Variants in IGF2BP2 observed in about 807,000 individuals in gnomAD.
IGF2BP2 encodes the protein insulin like growth factor 2 mRNA binding protein 2.
In IGF2BP2, 17 loss-of-function variants were observed where a neutral mutation model predicts 75.8. That is an observed-to-expected ratio of 0.22 (90% CI 0.15 to 0.34). The LOEUF (loss-of-function observed/expected upper bound fraction) is 0.34. Among genes scored for constraint, IGF2BP2 ranks in the 10% least tolerant of loss-of-function variants. The pLI is 1.00. For missense variants in IGF2BP2, 516 were observed against 772.4 expected, an observed-to-expected ratio of 0.67 and a Z score of 3.93; for synonymous variants, 288 against 295.6, an observed-to-expected ratio of 0.97 and a Z score of 0.26.
At chr3:185,823,970 G>A (rs1178305080) in intron 1 of IGF2BP2, among the ~76,000 whole-genome samples, 3 of 152,154 alleles carry the variant, frequency 2.0e-5, no homozygotes, top group East Asian at 3.9e-4. Flanking sequence ...CCACCGAGTT[G>A]AGACAGGGCA....
At chr3:185,673,195 C>T (rs546329500) in intron 9 of IGF2BP2, among the ~76,000 whole-genome samples, 37 of 152,336 alleles carry the variant, frequency 2.4e-4, no homozygotes, top group African/African-American at 8.9e-4. Flanking sequence ...GCACTCATTA[C>T]ATGGTATGTG....
rs557983382 is a variant in IGF2BP2 at position 185,687,872 on chromosome 3, G to A, written c.678-681C>T. Among the ~76,000 whole-genome samples, 8 of 151,158 alleles carry A rather than the reference G, an allele frequency of 5.3e-5. No individual in the cohort carries two copies. In the East Asian group the frequency reaches 7.9e-4, roughly 15 times the overall value. On this transcript the variant is annotated intron_variant, in intron 6 of 15. Coordinates refer to ENST00000382199, the MANE Select transcript of IGF2BP2 (RefSeq NM_006548.6). ...GCCTAGAGCCAAGTCTTTGGTTGAC[G>A]TCTAAAAAATGGGCACACACTTTGA...
chr3:185,780,564 C>T (rs1383426173), intron 2 of IGF2BP2, among the ~76,000 whole-genome samples: 1 of 152,052 alleles, frequency 6.6e-6, no homozygotes, highest in African/African-American at 2.4e-5. Flanking sequence ...GTATATTCTG[C>T]GCTATTTAAA....
intron 2 of IGF2BP2, among the ~76,000 whole-genome samples, chr3:185,747,451 G>A (rs557238446): frequency 6.6e-6 from 1 of 152,144 alleles, no homozygotes; most frequent in East Asian, 1.9e-4. Flanking sequence ...GGCCAAGAGG[G>A]GTGGATCACC....
chr3:185,805,402 T>C (rs553354927), intron 2 of IGF2BP2, among the ~76,000 whole-genome samples: 5 of 152,266 alleles, frequency 3.3e-5, no homozygotes, highest in Admixed American at 3.3e-4. Context: ...TGTTCTCTTT[T>C]TACCCCAAAT....
At chr3:185,818,963 G>T (rs1578412481) in intron 2 of IGF2BP2, among the ~76,000 whole-genome samples, 1 of 151,768 alleles carries the variant, frequency 6.6e-6, no homozygotes, top group South Asian at 2.1e-4. Context: ...ATTCTGATAT[G>T]CAATTTGTTC....
intron 2 of IGF2BP2, among the ~76,000 whole-genome samples, chr3:185,818,900 C>T (rs536671602): frequency 2.0e-4 from 31 of 152,162 alleles, no homozygotes; most frequent in African/African-American, 7.5e-4. Flanking sequence ...AACCTCCACA[C>T]ATTAAAAAAA....
chr3:185,736,775 C>A (rs1396879982), intron 2 of IGF2BP2, among the ~76,000 whole-genome samples: 1 of 152,174 alleles, frequency 6.6e-6, no homozygotes, highest in Admixed American at 6.5e-5. Flanking sequence ...TGTCGGACTG[C>A]ACAATGTTGG....
intron 2 of IGF2BP2, chr3:185,729,897 A>G (rs1253644505): frequency 6.6e-6 from 1 of 152,226 alleles, no homozygotes; most frequent in South Asian, 2.1e-4. Context: ...CTCTTAAGCA[A>G]GGCATCAGAG....
rs1042252786 is a variant in IGF2BP2 at position 185,647,821 on chromosome 3, G to A, written c.1594-683C>T. ...CACGCTTCCTGAGGGCTCAGACCCC[G>A]TCCTCTGGCCCTCTGGCCTGATGCC... On this transcript the variant is annotated intron_variant, in intron 14 of 15. Transcript: ENST00000382199. This position sits in a 1 kb window ranked among gnomAD's most constrained non-coding sequence, Gnocchi z 4.9. 2.6e-5 allele frequency among the ~76,000 whole-genome samples: 4 copies of A among 152,230 alleles called. No homozygotes were observed. The highest frequency in any genetic ancestry group is 6.5e-5 in the Admixed American group (1 of 15,288).
chr3:185,676,400 G>A (rs541067631), intron 7 of IGF2BP2, among the ~76,000 whole-genome samples: 10 of 152,272 alleles, frequency 6.6e-5, no homozygotes, highest in Admixed American at 5.9e-4. Flanking sequence ...ATTCCAGGCC[G>A]GGCGCCGTGG....
intron 2 of IGF2BP2, among the ~76,000 whole-genome samples, chr3:185,755,707 C>A (rs1407446610): frequency 6.6e-6 from 1 of 152,236 alleles, no homozygotes; most frequent in Non-Finnish European, 1.5e-5. Flanking sequence ...GCCTGCTCTA[C>A]TGGGTTTCAG....
chr3:185,698,232 A>C lies in IGF2BP2; in HGVS notation c.288+67T>G, dbSNP rs1722833046. ...AAACACTGAGGCCCTCTAATTCCTAAATGTAAAATGGAACTAAAGAAGGGA... is the reference window on the plus strand; with the variant it reads ...AAACACTGAGGCCCTCTAATTCCTACATGTAAAATGGAACTAAAGAAGGGA... On this transcript the variant is annotated intron_variant, in intron 3 of 15. Transcript: ENST00000382199. 2.1e-5 allele frequency: 30 copies of C among 1,417,980 alleles called. No individual in the cohort carries two copies. The South Asian group carries it at 3.4e-4, about 16-fold the overall frequency. 87.8% of individuals were successfully genotyped at this position (1,417,980 alleles called of 1,614,324 possible). A position where few individuals can be genotyped will look rare whatever the true frequency, so the allele number is the denominator to read the frequency against.
At chr3:185,677,053 A>T (rs186890150) in intron 7 of IGF2BP2, among the ~76,000 whole-genome samples, 25 of 54,294 alleles carry the variant, frequency 4.6e-4, no homozygotes, top group Middle Eastern at 0.011. Flanking sequence ...AGATATATAT[A>T]TATATATATA....
rs1560235308 is a variant in IGF2BP2 at position 185,657,304 on chromosome 3, GA to G, written c.1367del (p.Phe456SerfsTer41). The G allele has an allele frequency of 6.2e-7, 1 of 1,613,580 alleles. No homozygotes were observed. Among genetic ancestry groups the G allele is most frequent in the Non-Finnish European group, 8.5e-7 (1 of 1,179,742 alleles). ...KGAHIKQLARFAGASIKIAPA... is the reference protein window; with the variant it reads ...KGAHIKQLARXAGASIKIAPA... ...GCCTCACCTTGATAGAGGCTCCGGCGAATCTCGCCAGCTGTTTGATGTGTGC... is the reference window on the plus strand; with the variant it reads ...GCCTCACCTTGATAGAGGCTCCGGCGATCTCGCCAGCTGTTTGATGTGTGC... On this transcript the variant is annotated frameshift_variant, in exon 12 of 16. Transcript: ENST00000382199.
intron 4 of IGF2BP2, chr3:185,693,082 T>A (rs1409714898): frequency 4.7e-6 from 1 of 213,946 alleles, no homozygotes; most frequent in Admixed American, 5.5e-5. Context: ...TTGCAGTGAG[T>A]CAAATGTACC....
chr3:185,814,944 GAC>G (rs1263742958), intron 2 of IGF2BP2, among the ~76,000 whole-genome samples: 1 of 151,878 alleles, frequency 6.6e-6, no homozygotes, highest in African/African-American at 2.4e-5. Context: ...CCTTCTCTAA[GAC>G]ACAGATATTT....
intron 2 of IGF2BP2, among the ~76,000 whole-genome samples, chr3:185,787,850 C>T (rs1222958303): frequency 1.3e-5 from 2 of 152,258 alleles, no homozygotes; most frequent in African/African-American, 4.8e-5. Flanking sequence ...CCAAGAACTC[C>T]TTTCACTTAT....
rs993810583 is a variant in IGF2BP2, at chr3:185,821,093, G to A, written c.239+2060C>T. On this transcript the variant is annotated intron_variant, in intron 2 of 15. Transcript: ENST00000382199. ...GCTTCATCCCTGAAGTCTGATCTCA[G>A]TACACAATACCGGTCATTAGCTATC... 36 of 1,533,868 alleles carry A rather than the reference G, an allele frequency of 2.3e-5. No homozygotes were observed. The Admixed American group carries it at 4.3e-4, about 18-fold the overall frequency.
Sources: allele counts gnomAD v4.1 joint callset (sites outside exome capture counted in the v4.1 genomes callset), GRCh38; gene constraint gnomAD v4.1.1; non-coding constraint Gnocchi (gnomAD v3.1); transcripts MANE v1.5; gene names NCBI Gene and HGNC (gene_info 2026-07-23, HGNC 2026-07-21).